The following CACNA2D3 variants were observed in gnomAD, a reference collection of about 807,000 sequenced individuals.
CACNA2D3 encodes voltage-dependent calcium channel subunit alpha-2/delta-3.
CACNA2D3 carries 60 observed loss-of-function variants against 160.6 expected under a neutral mutation model. That is an observed-to-expected ratio of 0.37 (90% confidence interval 0.30 to 0.46). CACNA2D3 has a LOEUF of 0.46. Ranked by LOEUF, CACNA2D3 falls within the 20% of genes least tolerant of loss-of-function variation. CACNA2D3 has a pLI of 1.00. For synonymous variants in CACNA2D3, 558 were observed against 492.9 expected (o/e 1.13, Z -1.75); for missense variants, 1,205 against 1,365.0 (o/e 0.88, Z 1.85).
At chr3:54,129,903 G>C (rs988175614) in intron 2 of CACNA2D3, among the ~76,000 whole-genome samples, 8 of 152,194 alleles carry the variant, frequency 5.3e-5, no homozygotes, top group Non-Finnish European at 1.2e-4. Flanking sequence ...TTGCTGATGG[G>C]GAAGACTGTT....
At chr3:54,642,683 C>G (rs926799584) in intron 11 of CACNA2D3, among the ~76,000 whole-genome samples, 2 of 152,178 alleles carry the variant, frequency 1.3e-5, no homozygotes, top group Non-Finnish European at 2.9e-5. Context: ...TTCTCTCTAT[C>G]TCCCACTGCT....
intron 35 of CACNA2D3, among the ~76,000 whole-genome samples, chr3:55,042,874 A>C (rs956930075): frequency 1.3e-5 from 2 of 152,212 alleles, no homozygotes; most frequent in African/African-American, 4.8e-5. Flanking sequence ...TGAATGTCAT[A>C]TAAGTAGAAT....
intron 5 of CACNA2D3, among the ~76,000 whole-genome samples, chr3:54,545,187 T>G (rs1441707161): frequency 6.6e-6 from 1 of 152,242 alleles, no homozygotes; most frequent in Non-Finnish European, 1.5e-5. Context: ...AATTAGTTTA[T>G]TTTTTCAAAT....
At chr3:55,010,606 AG>A (rs1358242709) in intron 34 of CACNA2D3, among the ~76,000 whole-genome samples, 1 of 152,148 alleles carries the variant, frequency 6.6e-6, no homozygotes, top group Non-Finnish European at 1.5e-5. Context: ...CCTACTTGGG[AG>A]GCCAGGGACT....
chr3:54,412,846 A>T (rs1699692141), intron 4 of CACNA2D3, among the ~76,000 whole-genome samples: 1 of 151,602 alleles, frequency 6.6e-6, no homozygotes, highest in African/African-American at 2.4e-5. Context: ...ATTATCATTT[A>T]TCTTTTATAT....
At chr3:54,755,267 G>A (rs1312506006) in intron 12 of CACNA2D3, among the ~76,000 whole-genome samples, 1 of 152,126 alleles carries the variant, frequency 6.6e-6, no homozygotes, top group African/African-American at 2.4e-5. Flanking sequence ...AATTGGGGGT[G>A]GGCAGAGGAA....
chr3:54,308,778 T>C (rs949376054), intron 2 of CACNA2D3, among the ~76,000 whole-genome samples: 8 of 152,210 alleles, frequency 5.3e-5, no homozygotes, highest in African/African-American at 1.9e-4. Context: ...CAGTAAATGC[T>C]GGCTGCTATT....
chr3:54,872,730 TC>T (rs375223908), intron 18 of CACNA2D3, among the ~76,000 whole-genome samples: 14 of 152,342 alleles, frequency 9.2e-5, no homozygotes, highest in African/African-American at 3.4e-4. Context: ...TAGCCTCTTT[TC>T]TTCTTCATCT....
intron 11 of CACNA2D3, among the ~76,000 whole-genome samples, chr3:54,711,553 G>A (rs1439758698): frequency 1.3e-5 from 2 of 152,188 alleles, no homozygotes. Flanking sequence ...CACCTCTGTA[G>A]ATCCCATTGG....
At chr3:54,548,034 A>C (rs6445696) in intron 5 of CACNA2D3, among the ~76,000 whole-genome samples, 151,342 of 152,252 alleles carry the variant, frequency 0.99, 75,231 homozygotes, top group Middle Eastern at 1. Flanking sequence ...TGTTCACATG[A>C]CACCTGCCAC....
intron 11 of CACNA2D3, among the ~76,000 whole-genome samples, chr3:54,733,961 G>GA (rs1031906029): frequency 5.2e-4 from 75 of 143,628 alleles, no homozygotes; most frequent in South Asian, 1.3e-3. Context: ...CAGTGAGATT[G>GA]AAAAAAAAAA....
intron 3 of CACNA2D3, among the ~76,000 whole-genome samples, chr3:54,383,295 G>A (rs7645545): frequency 0.35 from 53,538 of 151,964 alleles, 9,581 homozygotes; most frequent in Admixed American, 0.42. Context: ...CATGACTGTC[G>A]TACACAGCAG....
chr3:54,670,561 C>A (rs919326712), intron 11 of CACNA2D3, among the ~76,000 whole-genome samples: 5 of 152,108 alleles, frequency 3.3e-5, no homozygotes, highest in Non-Finnish European at 7.4e-5. Context: ...AAAGGTCATC[C>A]CAGGTAGCAG....
chr3:54,453,857 C>A (rs1202688029), intron 4 of CACNA2D3, among the ~76,000 whole-genome samples: 1 of 152,198 alleles, frequency 6.6e-6, no homozygotes. Context: ...TACCTGTCCC[C>A]ACATGTTGGG....
intron 4 of CACNA2D3, among the ~76,000 whole-genome samples, chr3:54,500,200 A>AT (rs1701266238): frequency 6.6e-6 from 1 of 152,184 alleles, no homozygotes; most frequent in Non-Finnish European, 1.5e-5. Flanking sequence ...TTTGCCTGAA[A>AT]TTAAACCAAC....
chr3:54,443,044 T>C (rs893257474), intron 4 of CACNA2D3, among the ~76,000 whole-genome samples: 4 of 152,182 alleles, frequency 2.6e-5, no homozygotes, highest in Non-Finnish European at 1.5e-5. Context: ...GGGGGCTAAA[T>C]GGAACTTTTA....
intron 31 of CACNA2D3, among the ~76,000 whole-genome samples, chr3:54,989,765 C>T (rs1399363719): frequency 5.3e-5 from 8 of 152,128 alleles, no homozygotes; most frequent in Non-Finnish European, 1.2e-4. Flanking sequence ...TTTTTGTTGT[C>T]GATCTTTGTT....
At chr3:54,176,310 G>A (rs1231752319) in intron 2 of CACNA2D3, among the ~76,000 whole-genome samples, 1 of 152,136 alleles carries the variant, frequency 6.6e-6, no homozygotes, top group Non-Finnish European at 1.5e-5. Flanking sequence ...TCCCTTTTAT[G>A]TGTTTAAGGA....
intron 5 of CACNA2D3, among the ~76,000 whole-genome samples, chr3:54,562,134 C>T (rs1249134713): frequency 2.6e-5 from 4 of 152,076 alleles, no homozygotes; most frequent in Admixed American, 1.3e-4. Context: ...GGGACATAGC[C>T]AAATCATACC....
Sources: gnomAD v4.1 joint callset for allele counts (sites outside exome capture counted in the v4.1 genomes callset) on GRCh38, gnomAD v4.1.1 for gene constraint, MANE v1.5 for transcripts, NCBI Gene and HGNC (gene_info 2026-07-23, HGNC 2026-07-21) for gene names.